The following ANO3 variants were observed in gnomAD, a reference collection of about 807,000 sequenced individuals.
ANO3 encodes the protein anoctamin-3.
In ANO3, 99 loss-of-function variants were observed where a neutral mutation model predicts 144.8. The observed-to-expected ratio is 0.68, with a 90% confidence interval of 0.58 to 0.81. ANO3 has a LOEUF of 0.81. ANO3 is among the 30% of genes least tolerant of loss of function. The probability of loss-of-function intolerance (pLI) is 0.00; values close to 1 mark genes in which losing one functional copy is unlikely to be tolerated. For synonymous variants in ANO3, 414 were observed against 392.6 expected (o/e 1.05, Z -0.64); for missense variants, 905 against 1,202.2 (o/e 0.75, Z 3.66).
intron 6 of ANO3, among the ~76,000 whole-genome samples, chr11:26,518,744 G>A (rs1861953727): frequency 6.6e-6 from 1 of 151,644 alleles, no homozygotes; most frequent in African/African-American, 2.4e-5. Context: ...TAGTGATTTT[G>A]GGGGAATATT....
At chr11:26,247,301 C>A (rs952552421) in intron 1 of ANO3, among the ~76,000 whole-genome samples, 1 of 152,030 alleles carries the variant, frequency 6.6e-6, no homozygotes, top group African/African-American at 2.4e-5. Flanking sequence ...TTTTTCCAAG[C>A]GTGACCTAGT....
intron 17 of ANO3, among the ~76,000 whole-genome samples, chr11:26,614,279 G>A (rs536606384): frequency 6.6e-6 from 1 of 152,194 alleles, no homozygotes; most frequent in Admixed American, 6.5e-5. Context: ...TGGCTAGCAG[G>A]CTGTTCAGCC....
chr11:26,387,165 G>A (rs2133957708), intron 1 of ANO3, among the ~76,000 whole-genome samples: 1 of 145,178 alleles, frequency 6.9e-6, no homozygotes, highest in East Asian at 2.0e-4. Context: ...GTAGAGACAG[G>A]GTTTCACCAT....
chr11:26,531,398 A>C (rs1220197999), intron 8 of ANO3, 62 bp downstream of exon 8: 1 of 1,521,526 alleles, frequency 6.6e-7, no homozygotes, highest in African/African-American at 1.4e-5. Flanking sequence ...TGTTTATAGA[A>C]TAAAAACACC....
intron 1 of ANO3, among the ~76,000 whole-genome samples, chr11:26,433,634 T>G (rs914090427): frequency 6.6e-6 from 1 of 152,232 alleles, no homozygotes; most frequent in Non-Finnish European, 1.5e-5. Flanking sequence ...AAAGCCTTTC[T>G]GCATCTATTG....
At chr11:26,564,702 C>T (rs766353265) in intron 14 of ANO3, among the ~76,000 whole-genome samples, 3,643 of 59,224 alleles carry the variant, frequency 0.062, 347 homozygotes, top group Non-Finnish European at 0.087. Context: ...TACACACACA[C>T]ACACACACAC....
At chr11:26,202,349 T>G (rs1272737179) in intron 1 of ANO3, among the ~76,000 whole-genome samples, 1 of 146,626 alleles carries the variant, frequency 6.8e-6, no homozygotes, top group Non-Finnish European at 1.5e-5. Flanking sequence ...TATAGATTAT[T>G]ATATATATTA....
chr11:26,277,240 T>TTG (rs1207226022), intron 1 of ANO3, among the ~76,000 whole-genome samples: 1 of 152,050 alleles, frequency 6.6e-6, no homozygotes, highest in Non-Finnish European at 1.5e-5. Context: ...AAGTAATGCA[T>TTG]TGTGTGTGTG....
chr11:26,589,385 G>C (rs1269849009), intron 14 of ANO3, among the ~76,000 whole-genome samples: 1 of 144,812 alleles, frequency 6.9e-6, no homozygotes, highest in South Asian at 2.1e-4. Context: ...AAAGAAAGAA[G>C]GAGAAAAAAC....
chr11:26,490,963 G>A (rs1280598502), intron 4 of ANO3, among the ~76,000 whole-genome samples: 1 of 152,122 alleles, frequency 6.6e-6, no homozygotes, highest in East Asian at 1.9e-4. Context: ...AATAGTGGGA[G>A]GCTAAAAAGC....
At chr11:26,245,355 A>G (rs1336411877) in intron 1 of ANO3, among the ~76,000 whole-genome samples, 1 of 152,164 alleles carries the variant, frequency 6.6e-6, no homozygotes, top group Non-Finnish European at 1.5e-5. Flanking sequence ...ATTCTCTTCC[A>G]CAACAAAATT....
chr11:26,395,212 G>A (rs528153061), intron 1 of ANO3, among the ~76,000 whole-genome samples: 1 of 152,244 alleles, frequency 6.6e-6, no homozygotes, highest in Admixed American at 6.5e-5. Flanking sequence ...GTAGTCTGAT[G>A]TCTCCAGCTC....
intron 1 of ANO3, among the ~76,000 whole-genome samples, chr11:26,224,054 C>A (rs374751365): frequency 6.6e-6 from 1 of 152,202 alleles, no homozygotes; most frequent in South Asian, 2.1e-4. Flanking sequence ...ACGACCCAAT[C>A]TCTATTCCTG....
At chr11:26,220,555 G>A (rs1352114547) in intron 1 of ANO3, among the ~76,000 whole-genome samples, 1 of 152,218 alleles carries the variant, frequency 6.6e-6, no homozygotes, top group African/African-American at 2.4e-5. Context: ...AGAGCAATCT[G>A]TTGTCTAAAA....
At chr11:26,629,450 G>A (rs755035619) in intron 18 of ANO3, among the ~76,000 whole-genome samples, 2 of 151,498 alleles carry the variant, frequency 1.3e-5, no homozygotes, top group Admixed American at 1.3e-4. Flanking sequence ...AAATTCTTAC[G>A]GCCAAGAATT....
At chr11:26,432,192 C>G (rs187765171) in intron 1 of ANO3, among the ~76,000 whole-genome samples, 1 of 152,164 alleles carries the variant, frequency 6.6e-6, no homozygotes, top group East Asian at 1.9e-4. Flanking sequence ...TAATTGGTGG[C>G]CACATGTATA....
At chr11:26,207,739 A>G (rs1490487037) in intron 1 of ANO3, among the ~76,000 whole-genome samples, 1 of 84,198 alleles carries the variant, frequency 1.2e-5, no homozygotes, top group African/African-American at 3.3e-5. Flanking sequence ...AGTAAAACTG[A>G]CCGTAGTACA....
At chr11:26,569,839 T>A (rs1197889891) in intron 14 of ANO3, among the ~76,000 whole-genome samples, 1 of 152,020 alleles carries the variant, frequency 6.6e-6, no homozygotes, top group Non-Finnish European at 1.5e-5. Flanking sequence ...GTCAGCCAGG[T>A]GCACTGTGGG....
In ANO3 at chr11:26,534,447, T is replaced by C. The variant is rs1488863846; in HGVS notation, c.870-9T>C. On this transcript the variant is annotated splice_polypyrimidine_tract_variant and intron_variant, in intron 8 of 26. Transcript: ENST00000256737. ...TTTGAATATTAAACCAATCCCCTCA[T>C]CTTAACAGCTTCATAATAAATAATA... The C allele has an allele frequency of 1.3e-6, 2 of 1,588,436 alleles. No homozygotes were observed. The highest frequency in any genetic ancestry group is 2.7e-5 in the African/African-American group (2 of 74,344).
Sources: gnomAD v4.1 joint callset for allele counts (sites outside exome capture counted in the v4.1 genomes callset) on GRCh38, gnomAD v4.1.1 for gene constraint, MANE v1.5 for transcripts, NCBI Gene and HGNC (gene_info 2026-07-23, HGNC 2026-07-21) for gene names.